TMEM52B: variants seen among roughly 807,000 people sequenced by gnomAD.
TMEM52B encodes chromosome 12 open reading frame 59.
A neutral mutation model predicts 16.1 loss-of-function variants in TMEM52B; 11 were observed. That is an observed-to-expected ratio of 0.68 (90% CI 0.43 to 1.13). TMEM52B has a LOEUF of 1.13. Ranked by LOEUF, TMEM52B falls within the 50% of genes most tolerant of loss-of-function variation. The probability of loss-of-function intolerance (pLI) is 0.00; values close to 1 mark genes in which losing one functional copy is unlikely to be tolerated. For missense variants in TMEM52B, 243 were observed against 230.4 expected (o/e 1.05, Z -0.35); for synonymous variants, 101 against 93.8 (o/e 1.08, Z -0.45).
rs1215503757 is a variant in TMEM52B, at chr12:10,179,520, A to G, written c.-55A>G. 6.3e-7 allele frequency: 1 copy of G among 1,581,396 alleles called. No individual in the cohort carries two copies. Among genetic ancestry groups the G allele is most frequent in the African/African-American group, 1.3e-5 (1 of 74,386 alleles). On this transcript the variant is annotated 5_prime_UTR_variant, in exon 1 of 5. Transcript: ENST00000543484. ...AAGTAAAATATGGCACAGAGCATTGAAAGGAGGCAACGGATGCCCAGTGCA... is the reference window on the plus strand; with the variant it reads ...AAGTAAAATATGGCACAGAGCATTGGAAGGAGGCAACGGATGCCCAGTGCA...
chr12:10,179,719 G>T (rs913812794), intron 1 of TMEM52B, 91 bp downstream of exon 1: 14 of 1,497,978 alleles, frequency 9.3e-6, no homozygotes, highest in Non-Finnish European at 1.3e-5. Context: ...CTGCGGGGTG[G>T]GGAGACATAT....
intron 2 of TMEM52B, among the ~76,000 whole-genome samples, chr12:10,183,563 TAAC>T: frequency 6.6e-6 from 1 of 152,184 alleles, no homozygotes; most frequent in East Asian, 1.9e-4. Context: ...AATTATTAAA[TAAC>T]AAAATTTACT....
At chr12:10,188,890 G>A (rs1209363040) in intron 4 of TMEM52B, among the ~76,000 whole-genome samples, 3 of 151,780 alleles carry the variant, frequency 2.0e-5, no homozygotes, top group Non-Finnish European at 2.9e-5. Flanking sequence ...GGTGGCGGGC[G>A]CCTGTAGTCC....
rs1197454970 is a variant in TMEM52B at position 10,190,880 on chromosome 12, G to C, written c.*740G>C. 6.6e-6 allele frequency: 1 copy of C among 152,348 alleles called. No individual in the cohort carries two copies. The highest frequency in any genetic ancestry group is 2.4e-5 in the African/African-American group (1 of 41,448). 9.4% of individuals were successfully genotyped at this position (152,348 alleles called of 1,614,324 possible). A position where few individuals can be genotyped will look rare whatever the true frequency, so the allele number is the denominator to read the frequency against. ...ACCCTGTTTTAACTCTAAAGGAATAGTGTTGCTTTACTTCTTTCCTGTTTT... is the reference window on the plus strand; with the variant it reads ...ACCCTGTTTTAACTCTAAAGGAATACTGTTGCTTTACTTCTTTCCTGTTTT... On this transcript the variant is annotated 3_prime_UTR_variant, in exon 5 of 5. Coordinates refer to ENST00000543484, the MANE Select transcript of TMEM52B (RefSeq NM_001384896.1).
intron 3 of TMEM52B, among the ~76,000 whole-genome samples, chr12:10,186,041 A>G (rs1282857986): frequency 6.9e-6 from 1 of 145,132 alleles, no homozygotes; most frequent in Non-Finnish European, 1.5e-5. Flanking sequence ...AACTCTGTCT[A>G]AAAAAAAAAA....
chr12:10,184,258 T>A (rs532447559), intron 2 of TMEM52B, among the ~76,000 whole-genome samples: 99 of 152,306 alleles, frequency 6.5e-4, no homozygotes, highest in African/African-American at 2.3e-3. Context: ...TTCATCCGCA[T>A]CCTCGGTAAT....
intron 3 of TMEM52B, 141 bp from the exon 4 acceptor site, chr12:10,186,279 A>G: frequency 1.9e-6 from 1 of 535,704 alleles, no homozygotes; most frequent in East Asian, 4.8e-5. Flanking sequence ...CTTGAAATTA[A>G]AATTATAAAT....
upstream of TMEM52B, among the ~76,000 whole-genome samples, chr12:10,178,288 G>A (rs917003068): frequency 3.4e-4 from 52 of 151,936 alleles, no homozygotes; most frequent in Admixed American, 7.9e-4. Context: ...AGGCCGAGTC[G>A]GGCGGATCAT....
intron 1 of TMEM52B, 72 bp downstream of exon 1, chr12:10,179,700 G>A (rs1236343127): frequency 4.4e-6 from 7 of 1,576,758 alleles, no homozygotes; most frequent in Non-Finnish European, 5.2e-6. Flanking sequence ...GAGTCTGAAA[G>A]GAAATGAACT....
intron 4 of TMEM52B, among the ~76,000 whole-genome samples, chr12:10,189,212 A>G (rs868308795): frequency 1.3e-5 from 2 of 151,326 alleles, no homozygotes; most frequent in East Asian, 1.9e-4. Context: ...AAAAAAAAAA[A>G]AAAAAAGAAA....
chr12:10,186,731 G>T, intron 4 of TMEM52B, 142 bp downstream of exon 4: 1 of 857,412 alleles, frequency 1.2e-6, no homozygotes, highest in African/African-American at 1.7e-5. Context: ...AAGCCTGATG[G>T]TGCAGTGACC....
chr12:10,183,126 A>C (rs1948842355), intron 2 of TMEM52B, among the ~76,000 whole-genome samples: 1 of 152,226 alleles, frequency 6.6e-6, no homozygotes. Context: ...ATAAAAATGC[A>C]AAAGAATCAT....
At chr12:10,183,701 A>G (rs543404268) in intron 2 of TMEM52B, among the ~76,000 whole-genome samples, 97 of 152,210 alleles carry the variant, frequency 6.4e-4, no homozygotes, top group African/African-American at 2.3e-3. Context: ...CAATTGCCAT[A>G]GTGAACTCAG....
At chr12:10,177,867 A>T (rs1178638319), upstream of TMEM52B, among the ~76,000 whole-genome samples, 1 of 151,204 alleles carries the variant, frequency 6.6e-6, no homozygotes, top group Non-Finnish European at 1.5e-5. Flanking sequence ...TTAAGTATAA[A>T]TCATTCATAC....
At position 10,179,210 on chromosome 12, in the gene TMEM52B, G is replaced by C. The variant is rs1358467429; in HGVS notation, c.-365G>C. On this transcript the variant is annotated 5_prime_UTR_variant, in exon 1 of 5. Transcript: ENST00000543484. ...GTCTAGAAAAATACTTCATTCAGAGGACACATATGTCCTCTTTGAATGTCT... is the reference window on the plus strand; with the variant it reads ...GTCTAGAAAAATACTTCATTCAGAGCACACATATGTCCTCTTTGAATGTCT... The C allele has an allele frequency of 3.8e-5, 8 of 211,556 alleles. No homozygotes were observed. The highest frequency in any genetic ancestry group is 1.9e-4 in the South Asian group (2 of 10,620). The allele number at this position is 211,556 out of a possible 1,614,324, so 13.1% of individuals were successfully genotyped here. A position where few individuals can be genotyped will look rare whatever the true frequency, so the allele number is the denominator to read the frequency against.
chr12:10,181,080 T>G (rs1207487648), intron 1 of TMEM52B, among the ~76,000 whole-genome samples: 2 of 152,136 alleles, frequency 1.3e-5, no homozygotes, highest in Non-Finnish European at 2.9e-5. Flanking sequence ...GTGGTGGGAT[T>G]GCAGGTGTGA....
chr12:10,178,318 C>A (rs532356057), upstream of TMEM52B, among the ~76,000 whole-genome samples: 56 of 151,882 alleles, frequency 3.7e-4, no homozygotes, highest in Non-Finnish European at 6.9e-4. Flanking sequence ...AGATCGAGAC[C>A]ATTCTGGTTA....
intron 4 of TMEM52B, among the ~76,000 whole-genome samples, chr12:10,187,099 GTTTT>G (rs71049057): frequency 2.4e-5 from 2 of 82,180 alleles, no homozygotes; most frequent in African/African-American, 9.9e-5. Context: ...TTCCATGACG[GTTTT>G]TTTTTTTTTT....
Position 10,190,305 on chromosome 12 carries a change from G to C in TMEM52B, c.*165G>C. The C allele has an allele frequency of 1.1e-6, 1 of 896,174 alleles. No individual in the cohort carries two copies. The highest frequency in any genetic ancestry group is 1.6e-6 in the Non-Finnish European group (1 of 607,530). The allele number at this position is 896,174 out of a possible 1,614,324, so 55.5% of individuals were successfully genotyped here. ...TCGTTCACAGGCCTTTATATCTTCC[G>C]ATACAGAATGCTCTAATTGGGAACT... On this transcript the variant is annotated 3_prime_UTR_variant, in exon 5 of 5. Transcript: ENST00000543484.
Sources: gnomAD v4.1 joint callset for allele counts (sites outside exome capture counted in the v4.1 genomes callset) on GRCh38, gnomAD v4.1.1 for gene constraint, MANE v1.5 for transcripts, NCBI Gene and HGNC (gene_info 2026-07-23, HGNC 2026-07-21) for gene names.